The following DHRSX variants were observed in gnomAD, a reference collection of about 807,000 sequenced individuals.
DHRSX encodes the protein dehydrogenase/reductase X-linked, also known as polyprenol dehydrogenase.
In DHRSX, 31 loss-of-function variants were observed where a neutral mutation model predicts 34.0. That is an observed-to-expected ratio of 0.91 (90% CI 0.69 to 1.23). The LOEUF (loss-of-function observed/expected upper bound fraction) is 1.23, where lower values mean the gene tolerates loss of function less well. Among genes scored for constraint, DHRSX ranks in the 50% most tolerant of loss-of-function variants. The pLI is 0.00. For synonymous variants in DHRSX, 201 were observed against 183.8 expected, an observed-to-expected ratio of 1.09 and a Z score of -0.76; for missense variants, 414 against 428.1, an observed-to-expected ratio of 0.97 and a Z score of 0.29.
chrX:2,255,361 TG>T (rs1306188693), intron 5 of DHRSX, among the ~76,000 whole-genome samples: 4 of 151,992 alleles, frequency 2.6e-5, no homozygotes, highest in Non-Finnish European at 5.9e-5. Flanking sequence ...GGGGAACATG[TG>T]AAACCTTGAG....
intron 3 of DHRSX, among the ~76,000 whole-genome samples, chrX:2,403,735 G>A (rs1400039740): frequency 2.0e-5 from 3 of 151,586 alleles, no homozygotes; most frequent in South Asian, 2.1e-4. Context: ...GGGTGTCTGT[G>A]ATCCCAGTTA....
At chrX:2,405,746 G>A (rs951598018) in intron 3 of DHRSX, among the ~76,000 whole-genome samples, 16 of 151,824 alleles carry the variant, frequency 1.1e-4, no homozygotes, top group Non-Finnish European at 1.8e-4. Flanking sequence ...GCAGTGAGCC[G>A]AGATAACACC....
intron 1 of DHRSX, among the ~76,000 whole-genome samples, chrX:2,454,051 G>A (rs767244841): frequency 6.6e-5 from 10 of 152,048 alleles, no homozygotes; most frequent in South Asian, 2.1e-4. Context: ...TTTTGTTAAC[G>A]AAAAATAAAT....
chrX:2,371,655 C>T lies in DHRSX; in HGVS notation c.286+37090G>A, dbSNP rs189548112. ...TCCCGTTACCATAGTCCACACTCCT[C>T]CCCTTACCATAGTCCCTCCTCCTCC... On this transcript the variant is annotated intron_variant, in intron 3 of 6. Coordinates refer to ENST00000334651, the MANE Select transcript of DHRSX (RefSeq NM_145177.3). Among the ~76,000 whole-genome samples the T allele has an allele frequency of 5.3e-5, 8 of 150,514 alleles. No individual in the cohort carries two copies. In the East Asian group the frequency reaches 8.1e-4, roughly 15 times the overall value.
At chrX:2,472,492 T>G (rs1165675086) in intron 1 of DHRSX, among the ~76,000 whole-genome samples, 3 of 152,016 alleles carry the variant, frequency 2.0e-5, no homozygotes, top group Non-Finnish European at 4.4e-5. Flanking sequence ...GTTTAAAAAG[T>G]AGGCCAGGAG....
intron 3 of DHRSX, among the ~76,000 whole-genome samples, chrX:2,292,696 C>T (rs968889990): frequency 2.0e-5 from 3 of 152,104 alleles, no homozygotes; most frequent in Admixed American, 6.6e-5. Context: ...TGTTACAGGG[C>T]ATATGTAACT....
intron 3 of DHRSX, among the ~76,000 whole-genome samples, chrX:2,333,022 T>G (rs62583704): frequency 1.3e-5 from 2 of 151,990 alleles, no homozygotes; most frequent in African/African-American, 4.8e-5. Context: ...AAATAGGTGA[T>G]GGGCCTTTGC....
intron 3 of DHRSX, among the ~76,000 whole-genome samples, chrX:2,309,266 G>A (rs1323943698): frequency 4.6e-5 from 7 of 152,064 alleles, no homozygotes; most frequent in Non-Finnish European, 1.0e-4. Flanking sequence ...CCCTGATACT[G>A]ACTGGTTGGA....
chrX:2,291,500 A>C lies in DHRSX; in HGVS notation c.388+2T>G. 6.2e-7 allele frequency: 1 copy of C among 1,611,900 alleles called. No homozygotes were observed. Among genetic ancestry groups the C allele is most frequent in the Non-Finnish European group, 8.5e-7 (1 of 1,178,126 alleles). On this transcript the variant is annotated splice_donor_variant, in intron 4 of 6. Transcript: ENST00000334651. LOFTEE classifies it high-confidence loss of function. ...GCTTGCTGCAATTTCACCAGGACTC[A>C]CCATTGTTGATCAGGACATGGAGAG...
At chrX:2,410,027 G>C (rs1488351555) in intron 2 of DHRSX, among the ~76,000 whole-genome samples, 3 of 152,090 alleles carry the variant, frequency 2.0e-5, no homozygotes, top group Admixed American at 1.3e-4. Context: ...CACCACACCC[G>C]GCCTGGTTTC....
rs931301752 is a variant in DHRSX at position 2,298,612 on chromosome X, A to ACACACACACACACACACACACGCG, written c.287-7010_287-7009insCGCGTGTGTGTGTGTGTGTGTGTG. On this transcript the variant is annotated intron_variant, in intron 3 of 6. Transcript: ENST00000334651. ...TGCAGGCGCGTGTGTACACACACACACACACACACACACACACACACACAC... is the reference window on the plus strand; with the variant it reads ...TGCAGGCGCGTGTGTACACACACACACACACACACACACACACACACGCGCACACACACACACACACACACACAC... Among the ~76,000 whole-genome samples, 4 of 57,208 alleles carry ACACACACACACACACACACACGCG rather than the reference A, an allele frequency of 7.0e-5. 1 individual carries two copies. Among genetic ancestry groups the ACACACACACACACACACACACGCG allele is most frequent in the African/African-American group, 2.1e-4 (4 of 19,352 alleles). The allele number at this position is 57,208 out of a possible 152,430, so 37.5% of individuals were successfully genotyped here.
chrX:2,393,307 A>C (rs1431435322), intron 3 of DHRSX, among the ~76,000 whole-genome samples: 3 of 152,156 alleles, frequency 2.0e-5, no homozygotes, highest in Non-Finnish European at 4.4e-5. Context: ...GACCATGTAC[A>C]AGTGTGCAGT....
intron 3 of DHRSX, among the ~76,000 whole-genome samples, chrX:2,348,909 G>C (rs980697662): frequency 6.6e-6 from 1 of 151,950 alleles, no homozygotes; most frequent in Non-Finnish European, 1.5e-5. Context: ...GGCCAAGCTG[G>C]TCTCAAACTC....
intron 6 of DHRSX, among the ~76,000 whole-genome samples, chrX:2,229,550 CATA>C (rs939759763): frequency 1.1e-4 from 17 of 152,162 alleles, no homozygotes; most frequent in African/African-American, 3.9e-4. Context: ...CATAGGGTGA[CATA>C]ATGTGTGCAT....
intron 6 of DHRSX, among the ~76,000 whole-genome samples, chrX:2,242,096 A>G (rs1276550453): frequency 6.6e-6 from 1 of 152,126 alleles, no homozygotes; most frequent in East Asian, 1.9e-4. Context: ...CCCTTTGTGT[A>G]ATGGGGCAAT....
chrX:2,459,550 GTATATATATATATATATATA>G (rs57748851), intron 1 of DHRSX, among the ~76,000 whole-genome samples: 2 of 137,804 alleles, frequency 1.5e-5, no homozygotes, highest in Middle Eastern at 3.9e-3. Context: ...GTGTCTGTGT[GTATATATATATATATATATA>G]TATATATATA....
chrX:2,322,923 T>C (rs2042330493), intron 3 of DHRSX, among the ~76,000 whole-genome samples: 1 of 152,004 alleles, frequency 6.6e-6, no homozygotes, highest in Non-Finnish European at 1.5e-5. Flanking sequence ...AGTTTTTTGT[T>C]GTTGTTGTTG....
At chrX:2,263,371 G>A (rs2041389827) in intron 5 of DHRSX, among the ~76,000 whole-genome samples, 1 of 152,138 alleles carries the variant, frequency 6.6e-6, no homozygotes, top group Non-Finnish European at 1.5e-5. Context: ...TGATGACACA[G>A]TGAGAAGGTG....
chrX:2,312,829 T>A lies in DHRSX; in HGVS notation c.287-21226A>T, dbSNP rs1012418837. ...TGATCCCTGTTCCTTGTTTTAAATT[T>A]CTTCCTGAGGGTCCTGGAGGAGGTC... is the stretch of plus-strand genomic sequence containing the variant. On this transcript the variant is annotated intron_variant, in intron 3 of 6. Transcript: ENST00000334651. 1.9e-3 allele frequency among the ~76,000 whole-genome samples: 283 copies of A among 152,174 alleles called. 2 individuals are homozygous for A. Among genetic ancestry groups the A allele is most frequent in the Non-Finnish European group, 2.4e-3 (164 of 68,008 alleles).
Sources: allele counts gnomAD v4.1 joint callset (sites outside exome capture counted in the v4.1 genomes callset), GRCh38; gene constraint gnomAD v4.1.1; transcripts MANE v1.5; gene names NCBI Gene and HGNC (gene_info 2026-07-23, HGNC 2026-07-21).